The following RFX3 variants were observed in gnomAD, a reference collection of about 807,000 sequenced individuals.
RFX3 encodes the protein transcription factor RFX3.
Under a neutral mutation model 98.6 loss-of-function variants are expected in RFX3, and 14 were observed. That is an observed-to-expected ratio of 0.14 (90% CI 0.09 to 0.22). The LOEUF (loss-of-function observed/expected upper bound fraction) is 0.22. Ranked by LOEUF, RFX3 falls within the 10% of genes least tolerant of loss-of-function variation. The pLI is 1.00. For missense variants in RFX3, 639 were observed against 926.9 expected (o/e 0.69, Z 4.03); for synonymous variants, 383 against 328.4 (o/e 1.17, Z -1.80).
intron 1 of RFX3, among the ~76,000 whole-genome samples, chr9:3,419,159 A>G (rs960786376): frequency 1.3e-5 from 2 of 152,230 alleles, no homozygotes; most frequent in Non-Finnish European, 2.9e-5. Flanking sequence ...ACAACAACAT[A>G]TATGTGGAAC....
intron 4 of RFX3, among the ~76,000 whole-genome samples, chr9:3,305,693 A>G (rs2920370): frequency 0.13 from 19,013 of 151,982 alleles, 1,244 homozygotes; most frequent in Middle Eastern, 0.2. Context: ...CATAGTTTCA[A>G]GGGGGTAGTT....
At chr9:3,234,498 GGGTGTGGT>G (rs1203739205) in intron 15 of RFX3, among the ~76,000 whole-genome samples, 1 of 152,220 alleles carries the variant, frequency 6.6e-6, no homozygotes, top group East Asian at 1.9e-4. Context: ...AAAGTTAGCT[GGGTGTGGT>G]GGCACACGCC....
chr9:3,294,042 T>C (rs916499965), intron 5 of RFX3, among the ~76,000 whole-genome samples: 6 of 152,148 alleles, frequency 3.9e-5, no homozygotes, highest in African/African-American at 1.4e-4. Context: ...CCTGTGTACA[T>C]TACAAAAAAA....
At chr9:3,480,574 C>G (rs1451706252) in intron 1 of RFX3, among the ~76,000 whole-genome samples, 1 of 152,118 alleles carries the variant, frequency 6.6e-6, no homozygotes, top group Non-Finnish European at 1.5e-5. Context: ...CTGGAATGGA[C>G]ACAACCACAA....
chr9:3,385,869 G>C (rs549832939), intron 2 of RFX3, among the ~76,000 whole-genome samples: 2 of 152,096 alleles, frequency 1.3e-5, no homozygotes, highest in South Asian at 2.1e-4. Flanking sequence ...ATTTCCTAAA[G>C]TCTTATATCC....
Position 3,225,020 on chromosome 9 carries a change from G to GA in RFX3, c.*21dup. Reference sequence around the variant, plus strand: ...ATATCAACAGGGTTAATGTAAGCTGGAAAAATACGCTTTAATATTCTTTAG... The same window carrying GA: ...ATATCAACAGGGTTAATGTAAGCTGGAAAAAATACGCTTTAATATTCTTTAG... On this transcript the variant is annotated 3_prime_UTR_variant, in exon 17 of 17. Transcript: ENST00000617270. 1.2e-6 allele frequency: 2 copies of GA among 1,609,184 alleles called. No homozygotes were observed. Among genetic ancestry groups the GA allele is most frequent in the Non-Finnish European group, 1.7e-6 (2 of 1,176,242 alleles).
chr9:3,225,300 CAAG>C lies in RFX3; in HGVS notation c.2012-23_2012-21del. The C allele has an allele frequency of 1.9e-6, 3 of 1,610,538 alleles. No homozygotes were observed. Among genetic ancestry groups the C allele is most frequent in the Non-Finnish European group, 2.5e-6 (3 of 1,178,896 alleles). On this transcript the variant is annotated intron_variant, in intron 16 of 16. Coordinates refer to ENST00000617270, the MANE Select transcript of RFX3 (RefSeq NM_001282116.2). The stretch of plus-strand genomic sequence containing the variant: ...CTTCATCTGCACAAACAAATAATAC[CAAG>C]ACTATCATCGAAGACAAATTAGAAA...
intron 1 of RFX3, among the ~76,000 whole-genome samples, chr9:3,461,989 CA>C (rs1308485458): frequency 2.6e-5 from 4 of 151,944 alleles, no homozygotes; most frequent in African/African-American, 7.2e-5. Flanking sequence ...TTGAGTGCCA[CA>C]AGTGAACTTT....
At chr9:3,346,053 C>T (rs1322983582) in intron 3 of RFX3, among the ~76,000 whole-genome samples, 2 of 152,256 alleles carry the variant, frequency 1.3e-5, no homozygotes, top group Non-Finnish European at 2.9e-5. Flanking sequence ...TACAATAATT[C>T]TTAGTTCCTT....
chr9:3,517,030 T>C (rs1818251970), intron 1 of RFX3, among the ~76,000 whole-genome samples: 1 of 152,204 alleles, frequency 6.6e-6, no homozygotes, highest in Admixed American at 6.5e-5. Context: ...AGGCTGTGGG[T>C]TTTCTTTCTT....
At chr9:3,478,862 G>A (rs1003395732) in intron 1 of RFX3, among the ~76,000 whole-genome samples, 2 of 152,116 alleles carry the variant, frequency 1.3e-5, no homozygotes, top group African/African-American at 4.8e-5. Context: ...TTGACATTTT[G>A]CCAACAGTTT....
At position 3,522,043 on chromosome 9, in the gene RFX3, TA is replaced by T. The variant is rs112892773; in HGVS notation, c.-9+3703del. 1.5e-3 allele frequency among the ~76,000 whole-genome samples: 220 copies of T among 144,832 alleles called. 2 individuals carry two copies. The highest frequency in any genetic ancestry group is 4.6e-3 in the South Asian group (21 of 4,602). On this transcript the variant is annotated intron_variant, in intron 1 of 16. Transcript: ENST00000617270. ...CTTGAGTAGTTCAAAACTTTTACTT[TA>T]AAAAAAAAAAACTTTTCCTAGAAAA...
chr9:3,499,311 T>A (rs916648728), intron 1 of RFX3, among the ~76,000 whole-genome samples: 1 of 151,980 alleles, frequency 6.6e-6, no homozygotes, highest in Non-Finnish European at 1.5e-5. Flanking sequence ...ATCCCAGAAA[T>A]CATGAAGTTG....
intron 15 of RFX3, among the ~76,000 whole-genome samples, chr9:3,241,799 ATGCAATT>A (rs764173673): frequency 9.9e-5 from 15 of 152,182 alleles, no homozygotes; most frequent in Non-Finnish European, 1.9e-4. Flanking sequence ...AGTTTTCCAA[ATGCAATT>A]TGCTTAGACT....
intron 2 of RFX3, among the ~76,000 whole-genome samples, chr9:3,356,129 G>A (rs753092581): frequency 4.8e-4 from 67 of 139,998 alleles, no homozygotes; most frequent in Non-Finnish European, 8.2e-4. Flanking sequence ...GTTAAAAATT[G>A]AAGAATATAT....
Position 3,292,076 on chromosome 9 carries a change from A to C in RFX3, c.731+1001T>G, listed in dbSNP as rs868636449. On this transcript the variant is annotated intron_variant, in intron 6 of 16. Transcript: ENST00000617270. ...GACTCCATCTCAAAAAAAAAAAAAA[A>C]AAAAAAAAAAAAAAAAAAAAAAAAC... Among the ~76,000 whole-genome samples the C allele has an allele frequency of 2.5e-4, 35 of 139,080 alleles. No homozygotes were observed. The East Asian group carries it at 2.9e-3, about 12-fold the overall frequency. 91.2% of individuals were successfully genotyped at this position (139,080 alleles called of 152,430 possible).
intron 1 of RFX3, among the ~76,000 whole-genome samples, chr9:3,488,503 T>C (rs1850460945): frequency 6.6e-6 from 1 of 152,170 alleles, no homozygotes; most frequent in Non-Finnish European, 1.5e-5. Context: ...CACAGACAAC[T>C]CAAATGGTTT....
chr9:3,382,723 A>C (rs1839321771), intron 2 of RFX3, among the ~76,000 whole-genome samples: 1 of 152,136 alleles, frequency 6.6e-6, no homozygotes, highest in South Asian at 2.1e-4. Context: ...CATCTGTTTT[A>C]TGTGTTTTTC....
chr9:3,277,692 C>T (rs1825416333), intron 7 of RFX3, among the ~76,000 whole-genome samples: 1 of 151,808 alleles, frequency 6.6e-6, no homozygotes, highest in African/African-American at 2.4e-5. Flanking sequence ...TTTGGAAATC[C>T]AGAAATTTAC....
Sources: allele counts gnomAD v4.1 joint callset (sites outside exome capture counted in the v4.1 genomes callset), GRCh38; gene constraint gnomAD v4.1.1; transcripts MANE v1.5; gene names NCBI Gene and HGNC (gene_info 2026-07-23, HGNC 2026-07-21).